ADGRL2: variants seen among roughly 807,000 people sequenced by gnomAD.
ADGRL2 encodes adhesion G protein-coupled receptor L2, also known as calcium-independent alpha-latrotoxin receptor 2.
A neutral mutation model predicts 157.4 loss-of-function variants in ADGRL2; 44 were observed. The observed-to-expected ratio is 0.28, with a 90% confidence interval of 0.22 to 0.36. ADGRL2 has a LOEUF of 0.36. Among genes scored for constraint, ADGRL2 ranks in the 10% least tolerant of loss-of-function variants. ADGRL2 has a pLI of 1.00. For synonymous variants in ADGRL2, 585 were observed against 624.7 expected (o/e 0.94, Z 0.95); for missense variants, 1,510 against 1,768.9 (o/e 0.85, Z 2.63).
chr1:81,849,509 G>T (rs886253547), intron 2 of ADGRL2, among the ~76,000 whole-genome samples: 1 of 151,780 alleles, frequency 6.6e-6, no homozygotes, highest in African/African-American at 2.4e-5. Context: ...GCAACTAAAA[G>T]AATCATTTTA....
intron 2 of ADGRL2, among the ~76,000 whole-genome samples, chr1:81,843,099 T>G (rs180841921): frequency 6.6e-6 from 1 of 152,266 alleles, no homozygotes; most frequent in African/African-American, 2.4e-5. Flanking sequence ...TTATGTAAAT[T>G]AACACCCAGC....
intron 2 of ADGRL2, among the ~76,000 whole-genome samples, chr1:81,848,326 G>A (rs2092873025): frequency 6.6e-6 from 1 of 151,600 alleles, no homozygotes; most frequent in Non-Finnish European, 1.5e-5. Context: ...TTTTTTGGTG[G>A]AATTAAAGAA....
intron 2 of ADGRL2, among the ~76,000 whole-genome samples, chr1:81,568,180 A>G (rs1354564267): frequency 1.3e-5 from 2 of 152,156 alleles, no homozygotes; most frequent in African/African-American, 2.4e-5. Context: ...TAAAAAAGGA[A>G]AACTGAAGGA....
chr1:81,510,915 G>A (rs116346473), intron 2 of ADGRL2, among the ~76,000 whole-genome samples: 67 of 152,218 alleles, frequency 4.4e-4, no homozygotes, highest in Non-Finnish European at 6.3e-4. Context: ...GTTCGCACAG[G>A]TTTTCACAAG....
chr1:81,502,176 C>G, intron 2 of ADGRL2: 1 of 1,592,800 alleles, frequency 6.3e-7, no homozygotes. Flanking sequence ...CGCCAAGATC[C>G]CAGAGTGGCA....
Position 81,893,953 on chromosome 1 carries a change from A to G in ADGRL2, c.74-13064A>G, listed in dbSNP as rs867889574. Among the ~76,000 whole-genome samples, 8 of 152,316 alleles carry G rather than the reference A, an allele frequency of 5.3e-5. No homozygotes were observed. In the South Asian group the frequency reaches 1.4e-3, roughly 28 times the overall value. ...TAACACTGAAACCAACCACGAAATCAAAGTCATTACATTGTCATTTAAGGA... is the reference window on the plus strand; with the variant it reads ...TAACACTGAAACCAACCACGAAATCGAAGTCATTACATTGTCATTTAAGGA... On this transcript the variant is annotated intron_variant, in intron 2 of 23. Coordinates refer to ENST00000686636, the MANE Select transcript of ADGRL2 (RefSeq NM_001366006.2).
In ADGRL2 at chr1:81,503,512, G is replaced by A. The variant is rs1214388831; in HGVS notation, c.-248+58423G>A. Reference sequence around the variant, plus strand: ...TCCACTTGCCACTCTCCAGTCGAGAGTGAAGGAAGTTGATGCACAGAATTT... The same window carrying A: ...TCCACTTGCCACTCTCCAGTCGAGAATGAAGGAAGTTGATGCACAGAATTT... On this transcript the variant is annotated intron_variant, in intron 2 of 24. Coordinates refer to the ADGRL2 transcript ENST00000370721. 3.1e-6 allele frequency: 5 copies of A among 1,592,030 alleles called. No individual in the cohort carries two copies. The Admixed American group carries it at 5.2e-5, about 17-fold the overall frequency.
At chr1:81,701,002 C>T (rs1246281047) in intron 1 of ADGRL2, among the ~76,000 whole-genome samples, 3 of 152,186 alleles carry the variant, frequency 2.0e-5, no homozygotes, top group African/African-American at 7.2e-5. Context: ...CAAATACTTG[C>T]ACTTGCTCAT....
intron 3 of ADGRL2, among the ~76,000 whole-genome samples, chr1:81,620,904 A>G (rs1006457981): frequency 6.6e-5 from 10 of 152,232 alleles, no homozygotes; most frequent in African/African-American, 2.2e-4. Context: ...ATGTGAATAG[A>G]AAAGGCAAAG....
intron 3 of ADGRL2, among the ~76,000 whole-genome samples, chr1:81,602,728 A>G (rs1454945511): frequency 6.6e-6 from 1 of 151,782 alleles, no homozygotes; most frequent in Non-Finnish European, 1.5e-5. Flanking sequence ...GCAAAACCCT[A>G]TCCCTACTAA....
At chr1:81,659,052 ATTTTTTTTT>A (rs55832240) in intron 3 of ADGRL2, among the ~76,000 whole-genome samples, 2 of 60,560 alleles carry the variant, frequency 3.3e-5, no homozygotes, top group African/African-American at 7.9e-5. Context: ...ACACCCAGCA[ATTTTTTTTT>A]TTTTTTTTTT....
chr1:81,404,075 C>T (rs1018376281), intron 1 of ADGRL2, among the ~76,000 whole-genome samples: 1 of 152,132 alleles, frequency 6.6e-6, no homozygotes, highest in Non-Finnish European at 1.5e-5. Context: ...GGATTACAGG[C>T]GTGAGCCACC....
At chr1:81,394,653 A>T (rs1186027026) in intron 1 of ADGRL2, among the ~76,000 whole-genome samples, 2 of 152,160 alleles carry the variant, frequency 1.3e-5, no homozygotes, top group Non-Finnish European at 2.9e-5. Context: ...GACTATTGTG[A>T]ATAGTGCTGC....
chr1:81,986,771 A>AT, intron 21 of ADGRL2, 130 bp from the exon 22 acceptor site: 1 of 839,408 alleles, frequency 1.2e-6, no homozygotes. Flanking sequence ...ATTTCAACAG[A>AT]TTTTCCATTG....
At chr1:81,830,601 G>A (rs1270040207) in intron 1 of ADGRL2, among the ~76,000 whole-genome samples, 1 of 152,016 alleles carries the variant, frequency 6.6e-6, no homozygotes, top group Non-Finnish European at 1.5e-5. Flanking sequence ...TCCACCTTCC[G>A]GGTTCAAGCG....
At chr1:81,493,233 T>C (rs1340487218) in intron 2 of ADGRL2, among the ~76,000 whole-genome samples, 1 of 152,150 alleles carries the variant, frequency 6.6e-6, no homozygotes, top group African/African-American at 2.4e-5. Context: ...CTAAATGCAA[T>C]AGCATGATAG....
intron 1 of ADGRL2, among the ~76,000 whole-genome samples, chr1:81,422,781 A>G: frequency 6.6e-6 from 1 of 152,226 alleles, no homozygotes; most frequent in East Asian, 1.9e-4. Flanking sequence ...ATGTGTGAGA[A>G]TCAAATCAAA....
chr1:81,349,631 TACACACAC>T (rs36213279), intron 1 of ADGRL2, among the ~76,000 whole-genome samples: 78,902 of 142,568 alleles, frequency 0.55, 21,774 homozygotes, highest in Middle Eastern at 0.6. Context: ...TGTTGTGAGC[TACACACAC>T]ACACACACAC....
intron 1 of ADGRL2, among the ~76,000 whole-genome samples, chr1:81,714,972 T>G (rs1304991743): frequency 1.3e-5 from 2 of 152,054 alleles, no homozygotes; most frequent in Admixed American, 1.3e-4. Flanking sequence ...TTTTCTTTGA[T>G]GCAAGAGTTC....
Sources: allele counts gnomAD v4.1 joint callset (sites outside exome capture counted in the v4.1 genomes callset), GRCh38; gene constraint gnomAD v4.1.1; transcripts MANE v1.5; gene names NCBI Gene and HGNC (gene_info 2026-07-23, HGNC 2026-07-21).